Variants in CADPS observed in about 807,000 individuals in gnomAD.
CADPS encodes calcium dependent secretion activator.
In CADPS, 57 loss-of-function variants were observed where a neutral mutation model predicts 167.3. The ratio of observed to expected loss-of-function variants is 0.34; its 90% CI spans 0.28 to 0.42. The LOEUF (loss-of-function observed/expected upper bound fraction) is 0.42, where lower values mean the gene tolerates loss of function less well. Ranked by LOEUF, CADPS falls within the 20% of genes least tolerant of loss-of-function variation. The pLI, the probability that CADPS is intolerant of heterozygous loss-of-function variation, is 1.00. For missense variants in CADPS, 1,414 were observed against 1,738.1 expected (o/e 0.81, Z 3.32); for synonymous variants, 676 against 635.3 (o/e 1.06, Z -0.96).
chr3:62,796,459 T>G (rs2093412660), intron 1 of CADPS: 1 of 152,148 alleles, frequency 6.6e-6, no homozygotes, highest in African/African-American at 2.4e-5. Context: ...AACTTCCTTT[T>G]CTTGAGCTCA....
chr3:62,492,352 G>T lies in CADPS; in HGVS notation c.2822C>A (p.Pro941His), dbSNP rs765183785. 6 of 1,613,936 alleles carry T rather than the reference G, an allele frequency of 3.7e-6. No individual in the cohort carries two copies. The East Asian group carries it at 1.1e-4, about 30-fold the overall frequency. The change falls in exon 20 of 30, where the codon CCT becomes CAT. Residue 941 changes from proline (P) to histidine (H), a missense_variant. This residue lies in a region of CADPS where 529 missense variants were observed against 629.6 expected (regional missense o/e 0.84). Coordinates refer to ENST00000383710, the MANE Select transcript of CADPS (RefSeq NM_003716.4). ...TGGAAAACTGTCCCATGTGTCTGGA[G>T]GTTGCACCTCTAAGGCTGCATCCAT... ...VDMDAALEVQ[P>H]PDTWDSFPLF...
chr3:62,606,084 C>A (rs771241655), intron 6 of CADPS, among the ~76,000 whole-genome samples: 2 of 152,112 alleles, frequency 1.3e-5, no homozygotes, highest in Non-Finnish European at 2.9e-5. Flanking sequence ...CCCTTCCTGA[C>A]CCCAGGGGAT....
intron 18 of CADPS, among the ~76,000 whole-genome samples, chr3:62,498,696 C>A (rs1421070380): frequency 3.3e-5 from 5 of 151,322 alleles, no homozygotes; most frequent in African/African-American, 4.9e-5. Context: ...TGTTTAACAA[C>A]CCAGGCAATC....
chr3:62,823,338 A>C (rs1264590624), intron 1 of CADPS, among the ~76,000 whole-genome samples: 1 of 152,204 alleles, frequency 6.6e-6, no homozygotes, highest in East Asian at 1.9e-4. Context: ...TTAGGCATAC[A>C]GTGCTGCAAT....
At chr3:62,591,883 C>A (rs939240538) in intron 7 of CADPS, among the ~76,000 whole-genome samples, 1 of 152,164 alleles carries the variant, frequency 6.6e-6, no homozygotes, top group East Asian at 1.9e-4. Context: ...CTTAGTGAGG[C>A]ATCTTCCTGC....
chr3:62,500,657 T>A (rs1292078430), intron 17 of CADPS: 1 of 152,146 alleles, frequency 6.6e-6, no homozygotes, highest in Non-Finnish European at 1.5e-5. Flanking sequence ...CAAAATTTCT[T>A]TTCATCTCTT....
intron 3 of CADPS, among the ~76,000 whole-genome samples, chr3:62,703,424 C>T (rs2081775759): frequency 6.6e-6 from 1 of 152,024 alleles, no homozygotes; most frequent in Non-Finnish European, 1.5e-5. Flanking sequence ...AGGGAATTGG[C>T]ATTAGAGCTC....
At chr3:62,806,810 C>A (rs2094126304) in intron 1 of CADPS, among the ~76,000 whole-genome samples, 1 of 152,122 alleles carries the variant, frequency 6.6e-6, no homozygotes, top group Admixed American at 6.5e-5. Flanking sequence ...TTTGAAAGAA[C>A]TGTCTGCAGT....
At chr3:62,507,412 CT>C (rs1274996333) in intron 17 of CADPS, among the ~76,000 whole-genome samples, 166 of 145,522 alleles carry the variant, frequency 1.1e-3, no homozygotes, top group Admixed American at 1.2e-3. Context: ...TCTCTGTTTT[CT>C]TTTTTTTTTT....
chr3:62,501,478 C>G (rs2065755742), intron 17 of CADPS, among the ~76,000 whole-genome samples: 1 of 152,036 alleles, frequency 6.6e-6, no homozygotes, highest in African/African-American at 2.4e-5. Context: ...TTGCAAATTC[C>G]TCATCCTATG....
chr3:62,770,241 A>G (rs2088243611), intron 1 of CADPS, among the ~76,000 whole-genome samples: 1 of 152,268 alleles, frequency 6.6e-6, no homozygotes, highest in East Asian at 1.9e-4. Context: ...CTCTTCCCTG[A>G]CCATTCCATC....
At chr3:62,771,587 TAG>T (rs551332551) in intron 1 of CADPS, among the ~76,000 whole-genome samples, 1 of 152,158 alleles carries the variant, frequency 6.6e-6, no homozygotes, top group Non-Finnish European at 1.5e-5. Flanking sequence ...ATGAGCCGCT[TAG>T]AGAGAGAATC....
chr3:62,552,024 C>G (rs1452337499), intron 10 of CADPS, among the ~76,000 whole-genome samples: 2 of 152,034 alleles, frequency 1.3e-5, no homozygotes, highest in Non-Finnish European at 2.9e-5. Context: ...TGCTGTATCC[C>G]TGGAGCCTAG....
At chr3:62,764,708 G>C (rs2086404844) in intron 2 of CADPS, among the ~76,000 whole-genome samples, 1 of 152,210 alleles carries the variant, frequency 6.6e-6, no homozygotes, top group Admixed American at 6.5e-5. Flanking sequence ...CATATTGAAA[G>C]CATCTGTTGT....
intron 1 of CADPS, among the ~76,000 whole-genome samples, chr3:62,866,303 G>A (rs2081663841): frequency 6.6e-6 from 1 of 152,028 alleles, no homozygotes; most frequent in Non-Finnish European, 1.5e-5. Flanking sequence ...TAGAGACAAC[G>A]TCTCTGTAAT....
At chr3:62,847,042 A>G (rs953463912) in intron 1 of CADPS, among the ~76,000 whole-genome samples, 4 of 152,198 alleles carry the variant, frequency 2.6e-5, no homozygotes, top group African/African-American at 9.7e-5. Flanking sequence ...CACTTTAGTC[A>G]TTATCCTGAC....
intron 3 of CADPS, among the ~76,000 whole-genome samples, chr3:62,698,071 T>G (rs1009210743): frequency 2.6e-5 from 4 of 152,090 alleles, no homozygotes; most frequent in African/African-American, 9.7e-5. Context: ...TGACTATTCC[T>G]TTTACTTAAA....
At chr3:62,441,797 C>T (rs998027125) in intron 27 of CADPS, among the ~76,000 whole-genome samples, 1 of 152,170 alleles carries the variant, frequency 6.6e-6, no homozygotes, top group African/African-American at 2.4e-5. Flanking sequence ...CCCTGAACCC[C>T]AAAGATGCTG....
intron 8 of CADPS, among the ~76,000 whole-genome samples, chr3:62,584,260 G>C (rs2084088262): frequency 6.6e-6 from 1 of 152,084 alleles, no homozygotes; most frequent in Non-Finnish European, 1.5e-5. Flanking sequence ...TCCCGTCTCG[G>C]CCTCCCAAAG....
Sources: gnomAD v4.1 joint callset for allele counts (sites outside exome capture counted in the v4.1 genomes callset) on GRCh38, gnomAD v4.1.1 for gene constraint, gnomAD v4.1.1 regional missense constraint, MANE v1.5 for transcripts, NCBI Gene and HGNC (gene_info 2026-07-23, HGNC 2026-07-21) for gene names.